TTC6: variants seen among roughly 807,000 people sequenced by gnomAD.
TTC6 encodes tetratricopeptide repeat domain 6, also known as tetratricopeptide repeat protein 6.
In TTC6, 172 loss-of-function variants were observed where a neutral mutation model predicts 210.4. The ratio of observed to expected loss-of-function variants is 0.82; its 90% CI spans 0.72 to 0.93. TTC6 has a LOEUF of 0.93. Ranked by LOEUF, TTC6 falls within the 40% of genes least tolerant of loss-of-function variation. TTC6 has a pLI of 0.00. For synonymous variants in TTC6, 804 were observed against 819.6 expected (o/e 0.98, Z 0.32); for missense variants, 2,414 against 2,318.1 (o/e 1.04, Z -0.85).
At chr14:37,669,037 T>A (rs1209022623) in intron 1 of TTC6, among the ~76,000 whole-genome samples, 1 of 152,208 alleles carries the variant, frequency 6.6e-6, no homozygotes, top group Non-Finnish European at 1.5e-5. Flanking sequence ...AAACCTTGAC[T>A]GAATAGCTTG....
intron 10 of TTC6, among the ~76,000 whole-genome samples, chr14:37,740,370 C>T (rs2138957139): frequency 6.6e-6 from 1 of 152,128 alleles, no homozygotes; most frequent in South Asian, 2.1e-4. Flanking sequence ...ACATATTGTG[C>T]AAAATAGTTT....
At chr14:37,786,980 A>G (rs59262826) in intron 14 of TTC6, among the ~76,000 whole-genome samples, 25,061 of 152,164 alleles carry the variant, frequency 0.16, 2,248 homozygotes, top group East Asian at 0.36. Flanking sequence ...CAACTAATGC[A>G]ATAGCTTTCA....
At chr14:37,717,757 AAAAGAAAG>A (rs531684744) in intron 6 of TTC6, among the ~76,000 whole-genome samples, 48 of 152,152 alleles carry the variant, frequency 3.2e-4, no homozygotes, top group African/African-American at 1.0e-3. Flanking sequence ...AAAAAAACAA[AAAAGAAAG>A]AAAGAAAGAA....
chr14:37,664,433 A>T (rs990894891), intron 1 of TTC6, among the ~76,000 whole-genome samples: 2 of 150,698 alleles, frequency 1.3e-5, no homozygotes, highest in Non-Finnish European at 3.0e-5. Flanking sequence ...TGGCACCAGG[A>T]GAAGTGGTTA....
intron 14 of TTC6, among the ~76,000 whole-genome samples, chr14:37,762,602 C>T (rs752288221): frequency 1.2e-4 from 18 of 152,038 alleles, no homozygotes; most frequent in Non-Finnish European, 2.2e-4. Flanking sequence ...TATATGTCTT[C>T]TTTTGAGAAA....
At chr14:37,706,625 A>G (rs919743592) in intron 5 of TTC6, among the ~76,000 whole-genome samples, 1 of 152,140 alleles carries the variant, frequency 6.6e-6, no homozygotes, top group Non-Finnish European at 1.5e-5. Flanking sequence ...AGAATGAGGT[A>G]GAATTTTGTA....
chr14:37,760,134 A>G (rs1405977371), intron 14 of TTC6, among the ~76,000 whole-genome samples: 1 of 152,042 alleles, frequency 6.6e-6, no homozygotes, highest in Non-Finnish European at 1.5e-5. Context: ...ATGTTCGTGG[A>G]TTTATCTATC....
intron 1 of TTC6, among the ~76,000 whole-genome samples, chr14:37,665,604 C>T (rs2095746434): frequency 6.7e-6 from 1 of 150,372 alleles, no homozygotes; most frequent in Non-Finnish European, 1.5e-5. Flanking sequence ...GGCACGTTTA[C>T]CTGTATAACA....
chr14:37,679,687 T>G (rs1047321410), intron 1 of TTC6, among the ~76,000 whole-genome samples: 2 of 152,006 alleles, frequency 1.3e-5, no homozygotes, highest in East Asian at 3.9e-4. Flanking sequence ...AAAAAAAATT[T>G]ATATTTATTT....
intron 10 of TTC6, 79 bp downstream of exon 12, chr14:37,739,234 AGTT>A: frequency 7.6e-7 from 1 of 1,320,574 alleles, no homozygotes; most frequent in Non-Finnish European, 1.0e-6. Context: ...CACCCCATGA[AGTT>A]ATTATTTTAT....
At chr14:37,714,678 T>C (rs759084574) in exon 6 of TTC6, 218 of 1,535,368 alleles carry the variant, frequency 1.4e-4, no homozygotes, top group Middle Eastern at 3.3e-4. Flanking sequence ...ATTCCTGTTA[T>C]GGATGACAAC....
intron 4 of TTC6, among the ~76,000 whole-genome samples, chr14:37,697,827 T>A (rs2095817606): frequency 6.6e-6 from 1 of 152,180 alleles, no homozygotes; most frequent in African/African-American, 2.4e-5. Context: ...AGATTATCAA[T>A]GAAGCAGAAA....
exon 10 of TTC6, chr14:37,738,983 A>G: frequency 6.5e-7 from 1 of 1,535,528 alleles, no homozygotes; most frequent in Non-Finnish European, 8.7e-7. Context: ...CATGTGCGAA[A>G]AACACAGTTT....
At chr14:37,629,362 G>A (rs1025761473) in intron 1 of TTC6, among the ~76,000 whole-genome samples, 9 of 150,882 alleles carry the variant, frequency 6.0e-5, no homozygotes, top group African/African-American at 2.2e-4. Context: ...TTTTTTCTTT[G>A]CAGCATTTGT....
chr14:37,812,536 A>T, intron 25 of TTC6, 103 bp downstream of exon 27: 1 of 1,136,372 alleles, frequency 8.8e-7, no homozygotes, highest in Non-Finnish European at 1.2e-6. Context: ...AATGAGTGGT[A>T]GCTCAACTTT....
intron 13 of TTC6, 114 bp from the exon 16 acceptor site, chr14:37,752,985 T>A: frequency 1.3e-6 from 1 of 755,456 alleles, no homozygotes; most frequent in South Asian, 4.5e-5. Context: ...CATCTTCAGA[T>A]GGTTTGCTTT....
chr14:37,839,826 A>G (rs113626628), intron 29 of TTC6, among the ~76,000 whole-genome samples: 3 of 152,288 alleles, frequency 2.0e-5, no homozygotes, highest in African/African-American at 7.2e-5. Flanking sequence ...ATTTTTGTAT[A>G]AGGTGGAAGG....
intron 14 of TTC6, among the ~76,000 whole-genome samples, chr14:37,773,195 AC>A (rs1214270688): frequency 6.6e-6 from 1 of 151,958 alleles, no homozygotes; most frequent in Non-Finnish European, 1.5e-5. Context: ...GTTTGCAAAT[AC>A]TTTCTCCCAT....
At chr14:37,669,167 TA>T (rs1212033955) in intron 1 of TTC6, among the ~76,000 whole-genome samples, 1 of 152,176 alleles carries the variant, frequency 6.6e-6, no homozygotes, top group African/African-American at 2.4e-5. Context: ...TAAATGAAAT[TA>T]ATGGAGTGAT....
Sources: gnomAD v4.1 joint callset for allele counts (sites outside exome capture counted in the v4.1 genomes callset) on GRCh38, gnomAD v4.1.1 for gene constraint, MANE v1.5 for transcripts, NCBI Gene and HGNC (gene_info 2026-07-23, HGNC 2026-07-21) for gene names.